NDUFAF7: variants seen among roughly 807,000 people sequenced by gnomAD.
NDUFAF7 encodes protein arginine methyltransferase NDUFAF7, mitochondrial.
In NDUFAF7, 48 loss-of-function variants were observed where a neutral mutation model predicts 47.2. The observed-to-expected ratio is 1.02, with a 90% CI of 0.81 to 1.29. NDUFAF7 has a LOEUF of 1.29. Among genes scored for constraint, NDUFAF7 ranks in the 50% most tolerant of loss-of-function variants. The pLI is 0.00. For missense variants in NDUFAF7, 635 were observed against 537.6 expected (o/e 1.18, Z -1.79); for synonymous variants, 217 against 190.0 (o/e 1.14, Z -1.17).
chr2:37,266,979 T>C, the NDUFAF7 span, among the ~76,000 whole-genome samples: 23 of 152,354 alleles, frequency 1.5e-4, no homozygotes, highest in Non-Finnish European at 2.9e-5. Context: ...ATTTATGGAA[T>C]TGAAATCATT....
downstream of NDUFAF7, chr2:37,256,511 A>C (rs939702266): frequency 9.3e-7 from 1 of 1,078,978 alleles, no homozygotes. Context: ...AGTGCTCAAA[A>C]AACTGGTAAC....
chr2:37,268,889 G>T, the NDUFAF7 span: 1 of 153,102 alleles, frequency 6.5e-6, no homozygotes, highest in African/African-American at 2.4e-5. Context: ...ACCACTTAAG[G>T]GTTCTATGTG....
chr2:37,244,063 C>G, intron 7 of NDUFAF7, 90 bp downstream of exon 7: 1 of 1,138,504 alleles, frequency 8.8e-7, no homozygotes, highest in South Asian at 1.3e-5. Flanking sequence ...TTTTAGAGTT[C>G]CTTTACAGGA....
At chr2:37,254,488 G>A (rs779155104), downstream of NDUFAF7, among the ~76,000 whole-genome samples, 1 of 152,142 alleles carries the variant, frequency 6.6e-6, no homozygotes, top group Non-Finnish European at 1.5e-5. Flanking sequence ...AATTTTCATT[G>A]CCTTTATAAG....
the NDUFAF7 span, among the ~76,000 whole-genome samples, chr2:37,261,146 T>C: frequency 6.6e-6 from 1 of 152,232 alleles, no homozygotes; most frequent in African/African-American, 2.4e-5. Context: ...ATCTTAAATA[T>C]GTTCTACTGA....
chr2:37,249,462 A>G (rs1035027078), downstream of NDUFAF7, among the ~76,000 whole-genome samples: 17 of 152,124 alleles, frequency 1.1e-4, no homozygotes, highest in Non-Finnish European at 1.5e-4. Context: ...CTGTAATCCT[A>G]GCTACTCACG....
intron 2 of NDUFAF7, among the ~76,000 whole-genome samples, chr2:37,233,655 C>G (rs1356969335): frequency 6.7e-6 from 1 of 150,210 alleles, no homozygotes; most frequent in Non-Finnish European, 1.5e-5. Context: ...GCCTGGTGTT[C>G]AGAAGAAAGA....
chr2:37,241,827 G>T, intron 5 of NDUFAF7, 36 bp downstream of exon 5: 1 of 1,575,194 alleles, frequency 6.3e-7, no homozygotes, highest in South Asian at 1.1e-5. Context: ...AAAGAATTTT[G>T]ATCACAACCC....
At chr2:37,249,643 G>GAGACACACAC (rs1553361382), downstream of NDUFAF7, among the ~76,000 whole-genome samples, 1 of 132,626 alleles carries the variant, frequency 7.5e-6, no homozygotes, top group African/African-American at 3.0e-5. Context: ...CTGTGATAGA[G>GAGACACACAC]ACACACACAC....
At chr2:37,260,528 A>G in the NDUFAF7 span, 9 of 778,174 alleles carry the variant, frequency 1.2e-5, no homozygotes, top group Admixed American at 2.8e-5. Context: ...ATTACAATCA[A>G]TGAAAAGGAT....
At chr2:37,244,239 C>G (rs1375291341) in intron 7 of NDUFAF7, among the ~76,000 whole-genome samples, 1 of 152,170 alleles carries the variant, frequency 6.6e-6, no homozygotes, top group Non-Finnish European at 1.5e-5. Context: ...ACTTTCACTG[C>G]TTATCTCAGT....
At chr2:37,269,538 A>T in the NDUFAF7 span, 1 of 1,322,822 alleles carries the variant, frequency 7.6e-7, no homozygotes, top group Non-Finnish European at 1.1e-6. Context: ...TGAGATGACA[A>T]AACAGCTGGC....
At chr2:37,257,843 C>T, downstream of NDUFAF7, among the ~76,000 whole-genome samples, 1 of 152,140 alleles carries the variant, frequency 6.6e-6, no homozygotes, top group East Asian at 1.9e-4. Context: ...GAGACTGCCC[C>T]AGTGAGTAAC....
chr2:37,240,950 GGA>G (rs1386341999), intron 4 of NDUFAF7, among the ~76,000 whole-genome samples: 1 of 152,150 alleles, frequency 6.6e-6, no homozygotes, highest in African/African-American at 2.4e-5. Flanking sequence ...AGTATTAATT[GGA>G]GGCAGATCAC....
At chr2:37,261,690 G>C in the NDUFAF7 span, among the ~76,000 whole-genome samples, 2 of 152,322 alleles carry the variant, frequency 1.3e-5, no homozygotes, top group South Asian at 2.1e-4. Context: ...TGAGGCAGGA[G>C]AATTGCTTGA....
chr2:37,242,826 T>C, intron 6 of NDUFAF7, 133 bp downstream of exon 6: 1 of 667,872 alleles, frequency 1.5e-6, no homozygotes. Context: ...GGAATTTTGG[T>C]ACACAAATAA....
At chr2:37,250,066 A>G (rs1008789577), downstream of NDUFAF7, among the ~76,000 whole-genome samples, 2 of 151,814 alleles carry the variant, frequency 1.3e-5, no homozygotes, top group Admixed American at 6.6e-5. Flanking sequence ...ATTAGCTATC[A>G]TTAGTGGTGG....
chr2:37,232,142 C>T lies in NDUFAF7; in HGVS notation c.92C>T (p.Ser31Phe), dbSNP rs1242500329. 3 of 1,614,108 alleles carry T rather than the reference C, an allele frequency of 1.9e-6. No homozygotes were observed. The African/African-American group carries it at 4.0e-5, about 22-fold the overall frequency. ...PFIWRGKYFS[S>F]GNEPAENPVT... ...ATTTGGAGAGGGAAATACTTCAGCTCCGGGAATGAGCCTGCAGAAAACCCG... is the reference window on the plus strand; with the variant it reads ...ATTTGGAGAGGGAAATACTTCAGCTTCGGGAATGAGCCTGCAGAAAACCCG... Residue 31 changes from serine to phenylalanine, a missense_variant, in exon 2 of 10, where the codon TCC becomes TTC. By Grantham distance (155) the Ser-to-Phe change is radical. Coordinates refer to ENST00000002125, the MANE Select transcript of NDUFAF7 (RefSeq NM_144736.5).
Position 37,248,350 on chromosome 2 carries a change from A to G in NDUFAF7, c.1326A>G (p.Ter442TrpextTer17), listed in dbSNP as rs775155484. Residue 442 changes from the stop codon to tryptophan (W), a stop_lost, in exon 10 of 10, where the codon TGA becomes TGG. Coordinates refer to ENST00000002125, the MANE Select transcript of NDUFAF7 (RefSeq NM_144736.5). ...GGTTTAGTGAACTTGCTTGGCAGTGATATTTCAGCTTGGACATTTTACCCT... is the reference window on the plus strand; with the variant it reads ...GGTTTAGTGAACTTGCTTGGCAGTGGTATTTCAGCTTGGACATTTTACCCT... ...VAGFSELAWQ[*>W] 65 of 1,612,920 alleles carry G rather than the reference A, an allele frequency of 4.0e-5. No individual in the cohort carries two copies. The highest frequency in any genetic ancestry group is 5.1e-5 in the Non-Finnish European group (60 of 1,178,982).
Sources: allele counts gnomAD v4.1 joint callset (sites outside exome capture counted in the v4.1 genomes callset), GRCh38; gene constraint gnomAD v4.1.1; transcripts MANE v1.5; gene names NCBI Gene and HGNC (gene_info 2026-07-23, HGNC 2026-07-21).